TRIM27: variants seen among roughly 807,000 people sequenced by gnomAD.
TRIM27 encodes zinc finger protein RFP.
A neutral mutation model predicts 57.6 loss-of-function variants in TRIM27; 12 were observed. The ratio of observed to expected loss-of-function variants is 0.21; its 90% CI spans 0.13 to 0.34. TRIM27 has a LOEUF of 0.34. Among genes scored for constraint, TRIM27 ranks in the 10% least tolerant of loss-of-function variants. The pLI is 1.00. For synonymous variants in TRIM27, 266 were observed against 259.0 expected, an observed-to-expected ratio of 1.03 and a Z score of -0.26; for missense variants, 403 against 656.8, an observed-to-expected ratio of 0.61 and a Z score of 4.22.
intron 3 of TRIM27, among the ~76,000 whole-genome samples, chr6:28,917,321 T>C (rs1238395298): frequency 6.6e-6 from 1 of 152,116 alleles, no homozygotes; most frequent in Non-Finnish European, 1.5e-5. Flanking sequence ...CTCGCACCTG[T>C]AATCCCAGCA....
At chr6:28,923,133 G>A (rs772709193) in intron 1 of TRIM27, 80 bp downstream of exon 1, 5 of 1,414,900 alleles carry the variant, frequency 3.5e-6, no homozygotes, top group Admixed American at 2.7e-5. Flanking sequence ...CATTTTCTAG[G>A]CGGAAAAAAG....
intron 3 of TRIM27, chr6:28,915,792 A>G (rs1200616314): frequency 2.0e-5 from 3 of 152,230 alleles, no homozygotes; most frequent in Non-Finnish European, 4.4e-5. Flanking sequence ...CAAAAGGTGC[A>G]AACAACCAAA....
Position 28,908,829 on chromosome 6 carries a change from A to C in TRIM27, c.898T>G (p.Ser300Ala). The C allele has an allele frequency of 1.2e-6, 2 of 1,613,786 alleles. No individual in the cohort carries two copies. The highest frequency in any genetic ancestry group is 1.7e-6 in the Non-Finnish European group (2 of 1,179,838). The change falls in exon 6 of 8, where the codon TCA becomes GCA. Residue 300 changes from serine (S) to alanine (A), a missense_variant. Physicochemically the swap from Ser to Ala is moderately conservative, Grantham distance 99. Transcript: ENST00000377199. ...SLKQFTEKMQ[S>A]DMEKIQELRE... is the part of the protein sequence containing the mutation. Reference sequence around the variant, plus strand: ...TTACCTTGGATTTTCTCCATATCTGACTGCATTTTTTCTAAGAAAAGAAAA... The same window carrying C: ...TTACCTTGGATTTTCTCCATATCTGCCTGCATTTTTTCTAAGAAAAGAAAA...
rs187412506 is a variant in TRIM27, at chr6:28,920,449, C to T, written c.517-207G>A. Among the ~76,000 whole-genome samples the T allele has an allele frequency of 3.3e-3, 502 of 152,252 alleles. 1 individual carries two copies. Among genetic ancestry groups the T allele is most frequent in the African/African-American group, 0.01 (424 of 41,544 alleles). ...TGATTATTAAGACATAGTCCCTGTTCTCAAGCAACTCAGAGAAGTGAGTCA... is the reference window on the plus strand; with the variant it reads ...TGATTATTAAGACATAGTCCCTGTTTTCAAGCAACTCAGAGAAGTGAGTCA... On this transcript the variant is annotated intron_variant, in intron 2 of 7. Transcript: ENST00000377199.
At chr6:28,920,682 G>T (rs887600496) in intron 2 of TRIM27, among the ~76,000 whole-genome samples, 2 of 152,140 alleles carry the variant, frequency 1.3e-5, no homozygotes, top group African/African-American at 4.8e-5. Flanking sequence ...AGCAAATGGT[G>T]CTATCTGGCT....
intron 6 of TRIM27, chr6:28,908,437 C>T: frequency 4.7e-6 from 1 of 210,718 alleles, no homozygotes; most frequent in Non-Finnish European, 9.5e-6. Flanking sequence ...GCACCTGTGC[C>T]CACAAGCAGT....
Position 28,903,281 on chromosome 6 carries a change from G to A in TRIM27, c.*789C>T, listed in dbSNP as rs976203952. 8 of 232,960 alleles carry A rather than the reference G, an allele frequency of 3.4e-5. No individual in the cohort carries two copies. The highest frequency in any genetic ancestry group is 6.8e-5 in the Non-Finnish European group (8 of 117,986). 14.4% of individuals were successfully genotyped at this position (232,960 alleles called of 1,614,324 possible). A position where few individuals can be genotyped will look rare whatever the true frequency, so the allele number is the denominator to read the frequency against. ...CAGAATCCTTCCAGGGATGGTATAC[G>A]ACTGGCCACCAGTCCACAAATGTGA... On this transcript the variant is annotated 3_prime_UTR_variant, in exon 8 of 8. Coordinates refer to ENST00000377199, the MANE Select transcript of TRIM27 (RefSeq NM_006510.5).
intron 3 of TRIM27, among the ~76,000 whole-genome samples, chr6:28,917,829 T>C (rs962925316): frequency 9.3e-5 from 14 of 150,858 alleles, no homozygotes; most frequent in African/African-American, 2.5e-4. Flanking sequence ...TTTCTTCCTT[T>C]CTTTTTTTTT....
chr6:28,922,703 C>A (rs1418664231), intron 1 of TRIM27, among the ~76,000 whole-genome samples: 1 of 152,160 alleles, frequency 6.6e-6, no homozygotes, highest in Non-Finnish European at 1.5e-5. Flanking sequence ...TGTGTTATCT[C>A]CTGAGTCTCA....
chr6:28,904,834 T>C lies in TRIM27; in HGVS notation c.947-169A>G, dbSNP rs1277574700. On this transcript the variant is annotated intron_variant, in intron 7 of 7. Transcript: ENST00000377199. This position sits in a 1 kb window ranked among gnomAD's most constrained non-coding sequence, Gnocchi z 6.1. ...ACATTTCAAAAATTACTGCTTGGAT[T>C]AGCTGGTTACCAGAATACTCTGAAA... The C allele has an allele frequency of 1.7e-6, 1 of 592,320 alleles. No individual in the cohort carries two copies. Among genetic ancestry groups the C allele is most frequent in the Non-Finnish European group, 3.0e-6 (1 of 338,450 alleles). 36.7% of individuals were successfully genotyped at this position (592,320 alleles called of 1,614,324 possible). A position where few individuals can be genotyped will look rare whatever the true frequency, so the allele number is the denominator to read the frequency against.
intron 4 of TRIM27, among the ~76,000 whole-genome samples, chr6:28,910,245 A>G (rs1773099833): frequency 6.6e-6 from 1 of 151,840 alleles, no homozygotes; most frequent in Non-Finnish European, 1.5e-5. Flanking sequence ...TAGGGATGGT[A>G]GAACAGTGAA....
rs1422221057 is a variant in TRIM27, at chr6:28,923,451, G to T, written c.182C>A (p.Pro61Gln). The part of the protein sequence containing the change: ...VSCPQCRETF[P>Q]QRHMRPNRHL... Reference sequence around the variant, plus strand: ...CCGGTTGGGCCGCATGTGCCTCTGCGGGAAGGTCTCCCGGCACTGCGGGCA... The same window carrying T: ...CCGGTTGGGCCGCATGTGCCTCTGCTGGAAGGTCTCCCGGCACTGCGGGCA... The change falls in exon 1 of 8, where the codon CCG becomes CAG. Residue 61 changes from proline to glutamine, a missense_variant. Pro to Gln is a moderately conservative substitution (Grantham distance 76). Transcript: ENST00000377199. 6.2e-7 allele frequency: 1 copy of T among 1,612,172 alleles called. No individual in the cohort carries two copies. Among genetic ancestry groups the T allele is most frequent in the South Asian group, 1.1e-5 (1 of 91,042 alleles).
chr6:28,913,295 G>A (rs577102987), intron 3 of TRIM27, among the ~76,000 whole-genome samples: 70 of 145,550 alleles, frequency 4.8e-4, no homozygotes, highest in Admixed American at 9.0e-4. Context: ...TATAATATAC[G>A]TATGTATATG....
At chr6:28,912,522 TA>T (rs1481590002) in intron 3 of TRIM27, among the ~76,000 whole-genome samples, 1 of 152,106 alleles carries the variant, frequency 6.6e-6, no homozygotes, top group Non-Finnish European at 1.5e-5. Flanking sequence ...GCATACTCTC[TA>T]TTTCACATTT....
At chr6:28,914,158 CAG>C (rs1366390040) in intron 3 of TRIM27, among the ~76,000 whole-genome samples, 15 of 137,194 alleles carry the variant, frequency 1.1e-4, no homozygotes, top group East Asian at 4.3e-4. Context: ...TTTTTTGAGA[CAG>C]AGTCTTGATC....
Position 28,921,913 on chromosome 6 carries a change from T to C in TRIM27, c.495A>G (p.Glu165=), listed in dbSNP as rs1286852180. The change falls in exon 2 of 8, where the codon GAA becomes GAG. Residue 165 remains glutamate (E), a synonymous_variant. Coordinates refer to ENST00000377199, the MANE Select transcript of TRIM27 (RefSeq NM_006510.5). ...DLKKRRRAQG[E]QARAELLSLT... ...TTACCAAGAGTTCAGCTCGTGCCTG[T>C]TCCCCCTGGGCCCGACGTCTCTTCT... 6 of 1,613,012 alleles carry C rather than the reference T, an allele frequency of 3.7e-6. No homozygotes were observed. In the South Asian group the frequency reaches 5.5e-5, roughly 15 times the overall value.
At chr6:28,906,311 A>T (rs994661049) in intron 7 of TRIM27, 3 of 152,214 alleles carry the variant, frequency 2.0e-5, no homozygotes, top group Non-Finnish European at 4.4e-5. Flanking sequence ...AAGAGTCCCA[A>T]ACATTACCTC....
chr6:28,923,197 G>A lies in TRIM27; in HGVS notation c.420+16C>T. 6.5e-7 allele frequency: 1 copy of A among 1,536,448 alleles called. No homozygotes were observed. Among genetic ancestry groups the A allele is most frequent in the South Asian group, 1.2e-5 (1 of 84,528 alleles). ...GTCCGACTCGCGCTCCCGCCCTCCC[G>A]GATCCGCGCCCTCACCTTGAAGCCC... On this transcript the variant is annotated intron_variant, in intron 1 of 7. Transcript: ENST00000377199.
At chr6:28,905,248 C>T (rs941686538) in intron 7 of TRIM27, 1 of 152,252 alleles carries the variant, frequency 6.6e-6, no homozygotes. Context: ...GCTCATCATC[C>T]CTTATTCTGA....
Sources: allele counts gnomAD v4.1 joint callset (sites outside exome capture counted in the v4.1 genomes callset), GRCh38; gene constraint gnomAD v4.1.1; non-coding constraint Gnocchi (gnomAD v3.1); transcripts MANE v1.5; gene names NCBI Gene and HGNC (gene_info 2026-07-23, HGNC 2026-07-21).